The following WDR33 variants were observed in gnomAD, a reference collection of about 807,000 sequenced individuals.
WDR33 encodes the protein WD repeat domain 33.
Under a neutral mutation model 164.9 loss-of-function variants are expected in WDR33, and 47 were observed. The ratio of observed to expected loss-of-function variants is 0.29; its 90% CI spans 0.23 to 0.36. The LOEUF (loss-of-function observed/expected upper bound fraction) is 0.36, where lower values mean the gene tolerates loss of function less well. WDR33 is among the 10% of genes least tolerant of loss of function. WDR33 has a pLI of 1.00. For missense variants in WDR33, 1,137 were observed against 1,754.1 expected (o/e 0.65, Z 6.28); for synonymous variants, 505 against 589.0 (o/e 0.86, Z 2.06).
In WDR33 at chr2:127,716,943, G is replaced by A. The variant is rs1180693768; in HGVS notation, c.2869+212C>T. Among the ~76,000 whole-genome samples, 3 of 152,196 alleles carry A rather than the reference G, an allele frequency of 2.0e-5. No individual in the cohort carries two copies. On this transcript the variant is annotated intron_variant, in intron 17 of 21. Transcript: ENST00000322313. This position sits in a 1 kb window ranked among gnomAD's most constrained non-coding sequence, Gnocchi z 4.5. ...CACGACTGCTGGAGCCTGTGCGGGT[G>A]CCTTCATTGTCAGCCTCTGGGGTGA...
At chr2:127,736,537 C>T (rs1686848510) in intron 7 of WDR33, 1 of 985,288 alleles carries the variant, frequency 1.0e-6, no homozygotes, top group Admixed American at 6.1e-5. Context: ...ATCTGGCAGT[C>T]TCTAAGTCAC....
At chr2:127,804,246 G>A (rs1436358474) in intron 1 of WDR33, among the ~76,000 whole-genome samples, 2 of 152,084 alleles carry the variant, frequency 1.3e-5, no homozygotes, top group Non-Finnish European at 2.9e-5. Context: ...GCGTGAACCC[G>A]GGAGGCGGAG....
chr2:127,771,088 A>G, intron 1 of WDR33, 84 bp from the exon 2 acceptor site: 2 of 1,051,038 alleles, frequency 1.9e-6, no homozygotes, highest in Non-Finnish European at 2.8e-6. Flanking sequence ...CACTTTTTAC[A>G]TTTCTTTTCC....
chr2:127,787,437 G>A (rs1437074934), intron 1 of WDR33, among the ~76,000 whole-genome samples: 1 of 123,190 alleles, frequency 8.1e-6, no homozygotes, highest in Non-Finnish European at 1.7e-5. Flanking sequence ...GGGGTGGCCG[G>A]GCAGAGGCGC....
intron 1 of WDR33, among the ~76,000 whole-genome samples, chr2:127,806,518 G>A (rs1689448343): frequency 6.6e-6 from 1 of 152,120 alleles, no homozygotes; most frequent in South Asian, 2.1e-4. Context: ...CTCTTTAGTT[G>A]TTTTCACTCC....
chr2:127,795,320 A>G (rs1298253084), intron 1 of WDR33, among the ~76,000 whole-genome samples: 1 of 151,832 alleles, frequency 6.6e-6, no homozygotes, highest in Admixed American at 6.6e-5. Flanking sequence ...AGGATGGTCC[A>G]GAACTCCTGA....
chr2:127,724,031 CCG>C lies in WDR33; in HGVS notation c.1196+300_1196+301del, dbSNP rs2105384351. On this transcript the variant is annotated intron_variant, in intron 11 of 21. Coordinates refer to ENST00000322313, the MANE Select transcript of WDR33 (RefSeq NM_018383.5). This position sits in a 1 kb window ranked among gnomAD's most constrained non-coding sequence, Gnocchi z 4.8. ...AGGTTGAGGCTATAGTGAGCTGAGA[CCG>C]CACCATTGCACGCCAGCCTGGACAG... Among the ~76,000 whole-genome samples the C allele has an allele frequency of 1.3e-5, 2 of 151,956 alleles. No homozygotes were observed. Among genetic ancestry groups the C allele is most frequent in the Admixed American group, 1.3e-4 (2 of 15,266 alleles).
chr2:127,713,594 G>A lies in WDR33; in HGVS notation c.3297C>T (p.Arg1099=), dbSNP rs766778597. The A allele has an allele frequency of 1.2e-6, 2 of 1,614,224 alleles. No individual in the cohort carries two copies. The highest frequency in any genetic ancestry group is 1.1e-5 in the South Asian group (1 of 91,082). Reference sequence around the variant, plus strand: ...AGTATCTGTCCCACCTTTCTTCTCTGCGCCCTCGAAAACGTGGGTCCTCGG... The same window carrying A: ...AGTATCTGTCCCACCTTTCTTCTCTACGCCCTCGAAAACGTGGGTCCTCGG... ...RDPEDPRFRG[R]REESFRRGAP... The change falls in exon 18 of 22, where the codon CGC becomes CGT. Residue 1099 remains arginine (R), a synonymous_variant. Transcript: ENST00000322313. This position sits in a 1 kb window ranked among gnomAD's most constrained non-coding sequence, Gnocchi z 6.2.
chr2:127,721,771 C>A lies in WDR33; in HGVS notation c.1671+65G>T, dbSNP rs1033960982. 3.0e-5 allele frequency: 45 copies of A among 1,497,488 alleles called. No homozygotes were observed. Among genetic ancestry groups the A allele is most frequent in the Non-Finnish European group, 3.8e-5 (43 of 1,121,676 alleles). 92.8% of individuals were successfully genotyped at this position (1,497,488 alleles called of 1,614,324 possible). ...CCTTCCCTTTTCCTTAAGAGCCTAT[C>A]AATAAAAATGTCACCACTACCCTCT... On this transcript the variant is annotated intron_variant, in intron 15 of 21. Transcript: ENST00000322313. The surrounding 1 kb of genome is among the most constrained non-coding windows in gnomAD (Gnocchi z 4.9).
chr2:127,712,412 A>G lies in WDR33; in HGVS notation c.3308+1171T>C, dbSNP rs565742634. On this transcript the variant is annotated intron_variant, in intron 18 of 21. Coordinates refer to ENST00000322313, the MANE Select transcript of WDR33 (RefSeq NM_018383.5). The surrounding 1 kb of genome is among the most constrained non-coding windows in gnomAD (Gnocchi z 4.0). ...TCCGTCTCAAGAAGAAAAAAAAAAA[A>G]AAAGAAATGGGATGAAAGGACACGG... Among the ~76,000 whole-genome samples, 5 of 152,198 alleles carry G rather than the reference A, an allele frequency of 3.3e-5. No homozygotes were observed. The highest frequency in any genetic ancestry group is 5.9e-5 in the Non-Finnish European group (4 of 67,992).
intron 7 of WDR33, among the ~76,000 whole-genome samples, chr2:127,755,518 T>C (rs1382233445): frequency 6.6e-6 from 1 of 152,186 alleles, no homozygotes; most frequent in African/African-American, 2.4e-5. Flanking sequence ...ATTAAAAAAA[T>C]AGGATTATTT....
At chr2:127,775,442 G>A (rs915306889) in intron 1 of WDR33, among the ~76,000 whole-genome samples, 3 of 152,178 alleles carry the variant, frequency 2.0e-5, no homozygotes, top group Non-Finnish European at 4.4e-5. Context: ...ACCGGCCTTG[G>A]CCTCCCAAGG....
chr2:127,759,428 C>T (rs1266920877), intron 7 of WDR33, among the ~76,000 whole-genome samples: 8 of 152,182 alleles, frequency 5.3e-5, no homozygotes, highest in African/African-American at 1.9e-4. Context: ...CGGTGGCTCA[C>T]GCCTGTAATA....
intron 1 of WDR33, among the ~76,000 whole-genome samples, chr2:127,800,505 A>C (rs2104677598): frequency 6.6e-6 from 1 of 151,834 alleles, no homozygotes; most frequent in East Asian, 1.9e-4. Flanking sequence ...GGCGTGGTGG[A>C]GGGCGCCTGT....
intron 7 of WDR33, among the ~76,000 whole-genome samples, chr2:127,756,579 C>A (rs896467828): frequency 1.3e-5 from 2 of 152,008 alleles, no homozygotes; most frequent in Admixed American, 1.3e-4. Flanking sequence ...TATCAAAGAC[C>A]TGATAAGCTG....
intron 7 of WDR33, among the ~76,000 whole-genome samples, chr2:127,744,086 G>C (rs1405540320): frequency 6.6e-6 from 1 of 152,170 alleles, no homozygotes; most frequent in Non-Finnish European, 1.5e-5. Flanking sequence ...TTTAGGTGGT[G>C]ACAATTTCCT....
intron 7 of WDR33, among the ~76,000 whole-genome samples, chr2:127,756,444 TACC>T (rs1380187154): frequency 1.3e-5 from 2 of 151,100 alleles, no homozygotes; most frequent in African/African-American, 2.4e-5. Flanking sequence ...TACTATATTA[TACC>T]ACATTTTAAT....
chr2:127,769,547 A>G (rs1687931034), intron 2 of WDR33, among the ~76,000 whole-genome samples: 1 of 152,190 alleles, frequency 6.6e-6, no homozygotes, highest in Non-Finnish European at 1.5e-5. Context: ...TACCTTAAGA[A>G]AAGGAAACAG....
At chr2:127,805,550 C>T (rs1689406640) in intron 1 of WDR33, among the ~76,000 whole-genome samples, 1 of 151,962 alleles carries the variant, frequency 6.6e-6, no homozygotes, top group East Asian at 1.9e-4. Context: ...ATGGAACGTT[C>T]TTTAAAAAGA....
Sources: allele counts gnomAD v4.1 joint callset (sites outside exome capture counted in the v4.1 genomes callset), GRCh38; gene constraint gnomAD v4.1.1; non-coding constraint Gnocchi (gnomAD v3.1); transcripts MANE v1.5; gene names NCBI Gene and HGNC (gene_info 2026-07-23, HGNC 2026-07-21).